Variants in NAV2 observed in about 807,000 individuals in gnomAD.
NAV2 encodes helicase, APC down-regulated 1.
In NAV2, 54 loss-of-function variants were observed where a neutral mutation model predicts 223.2. That is an observed-to-expected ratio of 0.24 (90% CI 0.19 to 0.30). The LOEUF is 0.30. Among genes scored for constraint, NAV2 ranks in the 10% least tolerant of loss-of-function variants. The pLI is 1.00. For missense variants in NAV2, 2,806 were observed against 3,147.5 expected, an observed-to-expected ratio of 0.89 and a Z score of 2.60; for synonymous variants, 1,279 against 1,239.3, an observed-to-expected ratio of 1.03 and a Z score of -0.67.
At chr11:19,551,037 C>G (rs879770149) in intron 1 of NAV2, among the ~76,000 whole-genome samples, 6 of 152,278 alleles carry the variant, frequency 3.9e-5, no homozygotes, top group Non-Finnish European at 7.3e-5. Flanking sequence ...AGTAGCCCTG[C>G]TCTGCAGGAG....
chr11:20,015,209 C>T (rs1267922206), intron 11 of NAV2, among the ~76,000 whole-genome samples: 1 of 152,180 alleles, frequency 6.6e-6, no homozygotes, highest in Non-Finnish European at 1.5e-5. Context: ...CAAATAGGCA[C>T]GATAGCCTCA....
At chr11:19,612,402 T>C in intron 1 of NAV2, among the ~76,000 whole-genome samples, 1 of 152,220 alleles carries the variant, frequency 6.6e-6, no homozygotes, top group East Asian at 1.9e-4. Context: ...GTTTTTCTTT[T>C]CTATCACATA....
chr11:19,763,862 C>A (rs2054987369), intron 1 of NAV2, among the ~76,000 whole-genome samples: 1 of 151,496 alleles, frequency 6.6e-6, no homozygotes, highest in Non-Finnish European at 1.5e-5. Flanking sequence ...ACCTATGGAC[C>A]CTCCTTCCCC....
At chr11:19,620,834 G>T (rs1278890296) in intron 1 of NAV2, among the ~76,000 whole-genome samples, 1 of 152,158 alleles carries the variant, frequency 6.6e-6, no homozygotes, top group Non-Finnish European at 1.5e-5. Flanking sequence ...TCCCTGTCTT[G>T]TGCCAGTTTT....
chr11:19,543,604 T>A (rs934873512), intron 1 of NAV2, among the ~76,000 whole-genome samples: 14 of 152,362 alleles, frequency 9.2e-5, no homozygotes, highest in South Asian at 2.1e-4. Flanking sequence ...CATTTTTGAC[T>A]GTGTAACTTT....
intron 11 of NAV2, among the ~76,000 whole-genome samples, chr11:20,005,244 T>TAC (rs2052933660): frequency 1.2e-3 from 8 of 6,482 alleles, no homozygotes; most frequent in African/African-American, 2.1e-3. Flanking sequence ...TAATCATATA[T>TAC]ATATATATAT....
chr11:19,996,198 T>G (rs775873521), intron 11 of NAV2, among the ~76,000 whole-genome samples: 6 of 152,208 alleles, frequency 3.9e-5, no homozygotes, highest in Non-Finnish European at 7.3e-5. Context: ...CCACAAAACT[T>G]CTGCTTTTAA....
At chr11:19,805,820 T>G (rs1433252013) in intron 1 of NAV2, among the ~76,000 whole-genome samples, 3 of 152,144 alleles carry the variant, frequency 2.0e-5, no homozygotes, top group African/African-American at 7.2e-5. Flanking sequence ...CATTCACATC[T>G]CCATTTCACA....
intron 1 of NAV2, among the ~76,000 whole-genome samples, chr11:19,425,281 G>A (rs546065188): frequency 1.3e-5 from 2 of 152,356 alleles, no homozygotes; most frequent in African/African-American, 4.8e-5. Flanking sequence ...TCTTGGAGAA[G>A]AGCAGAGCCA....
At chr11:19,911,156 T>C (rs1300415934) in intron 6 of NAV2, among the ~76,000 whole-genome samples, 2 of 151,872 alleles carry the variant, frequency 1.3e-5, no homozygotes, top group African/African-American at 4.8e-5. Context: ...AATCCCAGCA[T>C]GTGCCAGATG....
Position 20,080,177 on chromosome 11 carries a change from A to C in NAV2, c.5293A>C (p.Ser1765Arg). The C allele has an allele frequency of 1.9e-6, 3 of 1,613,936 alleles. No homozygotes were observed. Among genetic ancestry groups the C allele is most frequent in the Non-Finnish European group, 2.5e-6 (3 of 1,179,894 alleles). The change falls in exon 25 of 38, where the codon AGT (serine) becomes CGT (arginine). Residue 1765 changes from serine (S) to arginine (R), a missense_variant. This residue lies in a region of NAV2 where 824 missense variants were observed against 1,069.4 expected (regional missense o/e 0.77). Transcript: ENST00000349880. ...SHSSVGSNIE[S>R]DSKKKKRKNW... ...CTCCAGCGTGGGCAGCAACATAGAGAGTGACTCAAAGAAGAAGAAGCGGAA... is the reference window on the plus strand; with the variant it reads ...CTCCAGCGTGGGCAGCAACATAGAGCGTGACTCAAAGAAGAAGAAGCGGAA...
chr11:19,707,718 C>A (rs1275055957), intron 1 of NAV2, among the ~76,000 whole-genome samples: 1 of 152,136 alleles, frequency 6.6e-6, no homozygotes, highest in Non-Finnish European at 1.5e-5. Context: ...TATTTATCAT[C>A]AACTATATAA....
At chr11:19,799,001 A>T (rs2058077374) in intron 1 of NAV2, among the ~76,000 whole-genome samples, 1 of 152,184 alleles carries the variant, frequency 6.6e-6, no homozygotes, top group Non-Finnish European at 1.5e-5. Flanking sequence ...TGAGGTGGTT[A>T]AGGAGAAGAG....
At chr11:19,892,683 G>A in intron 6 of NAV2, 89 bp downstream of exon 6, 2 of 1,409,228 alleles carry the variant, frequency 1.4e-6, no homozygotes, top group Non-Finnish European at 1.9e-6. Flanking sequence ...TGGGTCATGG[G>A]GAGGGGTTGC....
At chr11:19,874,194 C>G (rs769850709) in intron 4 of NAV2, among the ~76,000 whole-genome samples, 3 of 152,216 alleles carry the variant, frequency 2.0e-5, no homozygotes, top group Non-Finnish European at 4.4e-5. Context: ...CCCACAGCAT[C>G]TATGCAGATT....
chr11:19,942,208 T>C (rs922684629), intron 8 of NAV2, among the ~76,000 whole-genome samples: 1 of 152,210 alleles, frequency 6.6e-6, no homozygotes, highest in Non-Finnish European at 1.5e-5. Flanking sequence ...ATATCCTACA[T>C]TCAGGTCATT....
At chr11:19,615,690 G>A (rs1464998807) in intron 1 of NAV2, among the ~76,000 whole-genome samples, 3 of 152,124 alleles carry the variant, frequency 2.0e-5, no homozygotes, top group African/African-American at 7.2e-5. Context: ...AAGCATTGAA[G>A]ATGGCGATGA....
chr11:19,879,764 G>T, intron 4 of NAV2, 105 bp from the exon 5 acceptor site: 2 of 1,299,726 alleles, frequency 1.5e-6, no homozygotes, highest in Non-Finnish European at 1.1e-6. Flanking sequence ...TGTTCAGGAA[G>T]CCTGTCATAT....
chr11:19,746,055 A>T (rs1364591293), intron 1 of NAV2, among the ~76,000 whole-genome samples: 1 of 152,236 alleles, frequency 6.6e-6, no homozygotes, highest in African/African-American at 2.4e-5. Context: ...AGATTAGGGA[A>T]ATGAAGACAC....
Sources: allele counts gnomAD v4.1 joint callset (sites outside exome capture counted in the v4.1 genomes callset), GRCh38; gene constraint gnomAD v4.1.1; regional missense constraint gnomAD v4.1.1; transcripts MANE v1.5; gene names NCBI Gene and HGNC (gene_info 2026-07-23, HGNC 2026-07-21).